PLEK2: variants seen among roughly 807,000 people sequenced by gnomAD.
PLEK2 encodes the protein pleckstrin 2.
PLEK2 carries 29 observed loss-of-function variants against 43.8 expected under a neutral mutation model. That is an observed-to-expected ratio of 0.66 (90% CI 0.49 to 0.90). The LOEUF (loss-of-function observed/expected upper bound fraction) is 0.90, where lower values mean the gene tolerates loss of function less well. Among genes scored for constraint, PLEK2 ranks in the 40% least tolerant of loss-of-function variants. The pLI is 0.00. For synonymous variants in PLEK2, 162 were observed against 173.2 expected (o/e 0.94, Z 0.51); for missense variants, 398 against 448.1 (o/e 0.89, Z 1.01).
intron 3 of PLEK2, among the ~76,000 whole-genome samples, chr14:67,393,524 GCTAA>G (rs1487194752): frequency 6.6e-6 from 1 of 152,130 alleles, no homozygotes; most frequent in African/African-American, 2.4e-5. Flanking sequence ...CAAGATCTCG[GCTAA>G]CTGTGACCTC....
chr14:67,409,126 C>G (rs941753472), intron 1 of PLEK2, among the ~76,000 whole-genome samples: 4 of 151,858 alleles, frequency 2.6e-5, no homozygotes, highest in African/African-American at 9.7e-5. Context: ...ACCTGTAGTC[C>G]CAGCTACTAG....
At chr14:67,397,885 G>T in intron 1 of PLEK2, 59 bp from the exon 2 acceptor site, 1 of 1,415,666 alleles carries the variant, frequency 7.1e-7, no homozygotes, top group Non-Finnish European at 9.6e-7. Flanking sequence ...ATGGTGTTCA[G>T]GGAGGGGGTG....
At chr14:67,393,406 T>G (rs1399286709) in intron 3 of PLEK2, among the ~76,000 whole-genome samples, 165 bp from the exon 4 acceptor site, 1 of 152,170 alleles carries the variant, frequency 6.6e-6, no homozygotes, top group Non-Finnish European at 1.5e-5. Context: ...GCAAGAGTGA[T>G]GCCATCTTGA....
At position 67,392,432 on chromosome 14, in the gene PLEK2, G is replaced by T. The variant is rs375283064; in HGVS notation, c.670-5C>A. On this transcript the variant is annotated splice_region_variant and splice_polypyrimidine_tract_variant and intron_variant, in intron 5 of 8. Transcript: ENST00000216446. Reference sequence around the variant, plus strand: ...CTTCTTTTTGTAGCTCTCAGCCTAGGGGGAAGGAGGGAGCAAGGACTCTGC... The same window carrying T: ...CTTCTTTTTGTAGCTCTCAGCCTAGTGGGAAGGAGGGAGCAAGGACTCTGC... 2 of 1,600,458 alleles carry T rather than the reference G, an allele frequency of 1.2e-6. No individual in the cohort carries two copies. Among genetic ancestry groups the T allele is most frequent in the Admixed American group, 1.7e-5 (1 of 59,994 alleles).
intron 1 of PLEK2, among the ~76,000 whole-genome samples, chr14:67,406,258 C>CAAAA (rs56885080): frequency 3.7e-5 from 4 of 107,246 alleles, no homozygotes; most frequent in South Asian, 2.9e-4. Context: ...GATTCCATCT[C>CAAAA]AAAAAAAAAA....
intron 1 of PLEK2, among the ~76,000 whole-genome samples, chr14:67,407,430 AT>A (rs985937539): frequency 1.0e-4 from 15 of 149,572 alleles, no homozygotes; most frequent in African/African-American, 3.4e-4. Context: ...CCCTAACCTT[AT>A]TTTTTTTTAA....
chr14:67,405,422 AT>A (rs2086072317), intron 1 of PLEK2, among the ~76,000 whole-genome samples: 1 of 152,116 alleles, frequency 6.6e-6, no homozygotes, highest in South Asian at 2.1e-4. Flanking sequence ...GATTAATAAT[AT>A]GGCACCAAGG....
chr14:67,411,466 T>A (rs1383271025), intron 1 of PLEK2, among the ~76,000 whole-genome samples: 1 of 152,132 alleles, frequency 6.6e-6, no homozygotes, highest in African/African-American at 2.4e-5. Context: ...TGGGTCAACC[T>A]GAGTGGGTCT....
intron 3 of PLEK2, among the ~76,000 whole-genome samples, chr14:67,393,990 T>C (rs1011699340): frequency 4.6e-5 from 7 of 152,206 alleles, no homozygotes; most frequent in African/African-American, 1.7e-4. Flanking sequence ...TGTAAGTCCC[T>C]ATTAAATGCC....
intron 1 of PLEK2, among the ~76,000 whole-genome samples, chr14:67,403,816 C>G (rs2139885763): frequency 6.6e-6 from 1 of 152,260 alleles, no homozygotes; most frequent in South Asian, 2.1e-4. Flanking sequence ...CTTTGGGAGG[C>G]CAAGGAGAGA....
intron 1 of PLEK2, among the ~76,000 whole-genome samples, chr14:67,409,510 T>C (rs567975759): frequency 6.6e-6 from 1 of 152,326 alleles, no homozygotes; most frequent in South Asian, 2.1e-4. Context: ...ATTCACAATA[T>C]GAGCCCAGCA....
chr14:67,405,892 G>A (rs915420693), intron 1 of PLEK2, among the ~76,000 whole-genome samples: 6 of 152,306 alleles, frequency 3.9e-5, no homozygotes, highest in Admixed American at 6.5e-5. Context: ...GAGAGACCCT[G>A]AGCCAGTCTT....
intron 7 of PLEK2, among the ~76,000 whole-genome samples, chr14:67,389,961 C>G (rs1189161282): frequency 1.3e-5 from 2 of 152,056 alleles, no homozygotes; most frequent in African/African-American, 4.8e-5. Context: ...CCTGGCCTAG[C>G]TGGGTCCAGG....
chr14:67,400,237 C>T (rs2086038698), intron 1 of PLEK2, among the ~76,000 whole-genome samples: 1 of 152,168 alleles, frequency 6.6e-6, no homozygotes, highest in African/African-American at 2.4e-5. Context: ...GCTAATCTGA[C>T]AAGAGTTTAT....
intron 8 of PLEK2, among the ~76,000 whole-genome samples, 167 bp from the exon 9 acceptor site, chr14:67,387,623 C>T (rs1412910198): frequency 6.6e-6 from 1 of 152,190 alleles, no homozygotes. Flanking sequence ...TCCCCTTTTC[C>T]TCCCATTCCC....
At chr14:67,404,936 G>C (rs1394567251) in intron 1 of PLEK2, among the ~76,000 whole-genome samples, 2 of 151,900 alleles carry the variant, frequency 1.3e-5, no homozygotes, top group African/African-American at 2.4e-5. Flanking sequence ...AGTGGATACA[G>C]AGTAATAAGA....
Position 67,392,360 on chromosome 14 carries a change from C to G in PLEK2, c.737G>C (p.Gly246Ala). The G allele has an allele frequency of 6.2e-7, 1 of 1,613,356 alleles. No individual in the cohort carries two copies. The highest frequency in any genetic ancestry group is 1.3e-5 in the African/African-American group (1 of 75,026). Residue 246 changes from glycine to alanine, a missense_variant, in exon 6 of 9, where the codon GGC (glycine) becomes GCC (alanine). Gly to Ala is a moderately conservative substitution (Grantham distance 60). Coordinates refer to ENST00000216446, the MANE Select transcript of PLEK2 (RefSeq NM_016445.3). ...CAGGTAGCCTTGTTTCACCACCGTG[C>G]CACTTAACTCCACAGTGCTCAGGCT... ...EISLSTVELS[G>A]TVVKQGYLAK...
intron 1 of PLEK2, 94 bp from the exon 2 acceptor site, chr14:67,397,920 G>A: frequency 1.0e-6 from 1 of 997,074 alleles, no homozygotes; most frequent in Non-Finnish European, 1.5e-6. Flanking sequence ...TAACCAGACT[G>A]TGCTGTGGAA....
chr14:67,391,057 G>A (rs983672671), intron 6 of PLEK2, among the ~76,000 whole-genome samples: 1 of 152,166 alleles, frequency 6.6e-6, no homozygotes, highest in Non-Finnish European at 1.5e-5. Context: ...GAGGCAGCAG[G>A]TGTCAGCTGG....
Sources: allele counts gnomAD v4.1 joint callset (sites outside exome capture counted in the v4.1 genomes callset), GRCh38; gene constraint gnomAD v4.1.1; transcripts MANE v1.5; gene names NCBI Gene and HGNC (gene_info 2026-07-23, HGNC 2026-07-21).